LYN: variants seen among roughly 807,000 people sequenced by gnomAD.
The protein encoded by LYN is tyrosine-protein kinase Lyn.
LYN carries 12 observed loss-of-function variants against 65.0 expected under a neutral mutation model. That is an observed-to-expected ratio of 0.18 (90% confidence interval 0.12 to 0.30). The LOEUF (loss-of-function observed/expected upper bound fraction) is 0.30, where lower values mean the gene tolerates loss of function less well. Among genes scored for constraint, LYN ranks in the 10% least tolerant of loss-of-function variants. The probability of loss-of-function intolerance (pLI) is 1.00; values close to 1 mark genes in which losing one functional copy is unlikely to be tolerated. For synonymous variants in LYN, 222 were observed against 221.2 expected (o/e 1.00, Z -0.03); for missense variants, 380 against 623.2 (o/e 0.61, Z 4.16).
chr8:55,975,890 G>A (rs1807738498), intron 10 of LYN, among the ~76,000 whole-genome samples: 1 of 151,958 alleles, frequency 6.6e-6, no homozygotes, highest in South Asian at 2.1e-4. Context: ...AGCAAATAAG[G>A]CAGAATTTAT....
intron 1 of LYN, among the ~76,000 whole-genome samples, chr8:55,912,841 C>T (rs1344914368): frequency 6.6e-6 from 1 of 151,924 alleles, no homozygotes; most frequent in Non-Finnish European, 1.5e-5. Flanking sequence ...AATATGTATT[C>T]TTTTAATGGA....
intron 8 of LYN, among the ~76,000 whole-genome samples, chr8:55,959,382 A>G (rs1405316747): frequency 1.3e-5 from 2 of 152,252 alleles, no homozygotes; most frequent in African/African-American, 2.4e-5. Flanking sequence ...GAGGCAGTAG[A>G]GCCTCATCTA....
chr8:55,994,164 A>C (rs1219272393), intron 10 of LYN, among the ~76,000 whole-genome samples: 1 of 152,254 alleles, frequency 6.6e-6, no homozygotes, highest in Non-Finnish European at 1.5e-5. Context: ...AAACCAAGAA[A>C]GAACAATACA....
In LYN at chr8:55,998,426, G is replaced by A. The variant is rs762797392; in HGVS notation, c.1131G>A (p.Glu377=). 5 of 1,614,102 alleles carry A rather than the reference G, an allele frequency of 3.1e-6. No homozygotes were observed. Among genetic ancestry groups the A allele is most frequent in the Non-Finnish European group, 4.2e-6 (5 of 1,179,940 alleles). The change falls in exon 11 of 13, where the codon GAG becomes GAA. Residue 377 remains glutamate (E), a synonymous_variant. Transcript: ENST00000519728. ...GAGCAGCTAATGTTCTGGTCTCCGAGTCACTCATGTGCAAAATTGCAGATT... is the reference window on the plus strand; with the variant it reads ...GAGCAGCTAATGTTCTGGTCTCCGAATCACTCATGTGCAAAATTGCAGATT... The part of the protein sequence containing the change: ...DLRAANVLVS[E]SLMCKIADFG...
chr8:55,996,979 G>T (rs1019394093), intron 10 of LYN, among the ~76,000 whole-genome samples: 1 of 151,936 alleles, frequency 6.6e-6, no homozygotes, highest in African/African-American at 2.4e-5. Context: ...AAACTAGCAT[G>T]GTGAAACCCC....
intron 3 of LYN, among the ~76,000 whole-genome samples, chr8:55,947,229 A>T (rs372823915): frequency 6.6e-6 from 1 of 152,278 alleles, no homozygotes; most frequent in Admixed American, 6.5e-5. Flanking sequence ...AGTCTGGGCG[A>T]CAAGAGCGAG....
At chr8:55,946,762 C>G (rs1000119340) in intron 3 of LYN, among the ~76,000 whole-genome samples, 1 of 152,132 alleles carries the variant, frequency 6.6e-6, no homozygotes, top group Non-Finnish European at 1.5e-5. Flanking sequence ...CCTCCCCCAG[C>G]CGCTGGCAAC....
intron 1 of LYN, among the ~76,000 whole-genome samples, chr8:55,936,020 G>T (rs1287460711): frequency 2.0e-5 from 3 of 152,154 alleles, no homozygotes; most frequent in African/African-American, 7.2e-5. Context: ...CTTTCCGAAA[G>T]TAAAGTAAGA....
At chr8:55,965,644 T>A (rs1027871329) in intron 8 of LYN, among the ~76,000 whole-genome samples, 1 of 152,224 alleles carries the variant, frequency 6.6e-6, no homozygotes, top group South Asian at 2.1e-4. Flanking sequence ...TGTCTTTTCT[T>A]CCAGACTGTT....
At chr8:55,921,200 C>A (rs1485266070) in intron 1 of LYN, among the ~76,000 whole-genome samples, 1 of 152,172 alleles carries the variant, frequency 6.6e-6, no homozygotes, top group African/African-American at 2.4e-5. Context: ...TACGGAATTG[C>A]TGCTGACCAC....
At chr8:55,997,754 T>G (rs1388377649) in intron 10 of LYN, among the ~76,000 whole-genome samples, 1 of 152,222 alleles carries the variant, frequency 6.6e-6, no homozygotes, top group Non-Finnish European at 1.5e-5. Context: ...TGGATGAATT[T>G]AGCAGGGTCT....
intron 8 of LYN, among the ~76,000 whole-genome samples, chr8:55,964,161 G>C (rs896501950): frequency 6.6e-6 from 1 of 151,726 alleles, no homozygotes; most frequent in Non-Finnish European, 1.5e-5. Context: ...TTTTTTGTCA[G>C]CTTTATGTTA....
intron 1 of LYN, among the ~76,000 whole-genome samples, chr8:55,914,372 C>T (rs1805727607): frequency 6.6e-6 from 1 of 151,816 alleles, no homozygotes; most frequent in African/African-American, 2.4e-5. Flanking sequence ...GAGATGGCCC[C>T]CATACTTTAG....
At chr8:55,979,770 A>T (rs1048064043) in intron 10 of LYN, among the ~76,000 whole-genome samples, 2 of 152,214 alleles carry the variant, frequency 1.3e-5, no homozygotes, top group Admixed American at 1.3e-4. Flanking sequence ...GCTCCTTGGT[A>T]TGGTTTCTAA....
At chr8:55,899,841 G>A (rs1805211220) in intron 1 of LYN, among the ~76,000 whole-genome samples, 1 of 152,024 alleles carries the variant, frequency 6.6e-6, no homozygotes, top group Non-Finnish European at 1.5e-5. Flanking sequence ...GTAGAGATGG[G>A]GTTTCACCGT....
chr8:55,885,178 G>A (rs1804759022), intron 1 of LYN, among the ~76,000 whole-genome samples: 1 of 152,200 alleles, frequency 6.6e-6, no homozygotes, highest in Non-Finnish European at 1.5e-5. Context: ...TGTTCAGAAT[G>A]CTGCTACTTA....
intron 6 of LYN, 94 bp downstream of exon 6, chr8:55,950,878 T>C: frequency 1.2e-6 from 1 of 842,002 alleles, no homozygotes; most frequent in East Asian, 2.5e-5. Flanking sequence ...AAAGGGCATA[T>C]AGTATGCTCT....
chr8:55,930,610 CA>C (rs1292551907), intron 1 of LYN, among the ~76,000 whole-genome samples: 11 of 152,208 alleles, frequency 7.2e-5, no homozygotes, highest in African/African-American at 2.6e-4. Flanking sequence ...TTAAGAGAAA[CA>C]AAACCAAAAA....
intron 6 of LYN, among the ~76,000 whole-genome samples, chr8:55,951,438 G>A (rs1009347410): frequency 2.0e-5 from 3 of 152,030 alleles, no homozygotes; most frequent in Non-Finnish European, 4.4e-5. Context: ...GGCCGAGACT[G>A]AGAATCACTT....
Sources: allele counts gnomAD v4.1 joint callset (sites outside exome capture counted in the v4.1 genomes callset), GRCh38; gene constraint gnomAD v4.1.1; transcripts MANE v1.5; gene names NCBI Gene and HGNC (gene_info 2026-07-23, HGNC 2026-07-21).